Variants in COL4A5 observed in about 807,000 individuals in gnomAD.
COL4A5 encodes the protein collagen alpha-5(IV) chain.
In COL4A5, 26 loss-of-function variants were observed where a neutral mutation model predicts 130.2. The ratio of observed to expected loss-of-function variants is 0.20; its 90% CI spans 0.15 to 0.28. The LOEUF is 0.28. COL4A5 is among the 10% of genes least tolerant of loss of function. COL4A5 has a pLI of 1.00. For missense variants in COL4A5, 1,131 were observed against 1,344.3 expected, an observed-to-expected ratio of 0.84 and a Z score of 2.48; for synonymous variants, 496 against 439.6, an observed-to-expected ratio of 1.13 and a Z score of -1.60.
intron 24 of COL4A5, among the ~76,000 whole-genome samples, chrX:108,597,875 C>T (rs1015668868): frequency 1.8e-5 from 2 of 111,351 alleles, no homozygotes; most frequent in Non-Finnish European, 3.8e-5. Context: ...TCTTAACCCC[C>T]ACATATCTTT....
chrX:108,464,989 CACA>C (rs752694298), intron 1 of COL4A5, among the ~76,000 whole-genome samples: 2 of 112,030 alleles, frequency 1.8e-5, no homozygotes, highest in East Asian at 2.8e-4. Flanking sequence ...TGTGCACACC[CACA>C]ACATTTTCAA....
At chrX:108,687,359 A>T in intron 48 of COL4A5, 123 bp from the exon 49 acceptor site, 1 of 617,804 alleles carries the variant, frequency 1.6e-6, no homozygotes. Context: ...CAATGCCTTT[A>T]TAGACACTCT....
At chrX:108,568,282 T>TAA (rs2066004642) in intron 4 of COL4A5, among the ~76,000 whole-genome samples, 2 of 111,293 alleles carry the variant, frequency 1.8e-5, no homozygotes, top group African/African-American at 6.5e-5. Flanking sequence ...GGAAATATAT[T>TAA]TGCCACTCCC....
chrX:108,501,750 G>A (rs2065081075), intron 1 of COL4A5, among the ~76,000 whole-genome samples: 1 of 112,008 alleles, frequency 8.9e-6, no homozygotes, highest in Non-Finnish European at 1.9e-5. Flanking sequence ...ATAATTTGTG[G>A]GGAACATTTC....
rs999770270 is a variant in COL4A5, at chrX:108,571,596, G to A, written c.438+130G>A. The A allele has an allele frequency of 5.7e-5, 37 of 644,287 alleles. 1 individual carries two copies. Among genetic ancestry groups the A allele is most frequent in the Admixed American group, 4.1e-4 (16 of 38,632 alleles). The allele number at this position is 644,287 out of a possible 1,213,427, so 53.1% of individuals were successfully genotyped here. A position where few individuals can be genotyped will look rare whatever the true frequency, so the allele number is the denominator to read the frequency against. On this transcript the variant is annotated intron_variant, in intron 7 of 52. Transcript: ENST00000328300. ...TTAAAGTAATAAACTAGAGGAAAAT[G>A]TTTCAAAAAGAAGTTGGTAATATAG...
chrX:108,490,649 A>T (rs1278236774), intron 1 of COL4A5, among the ~76,000 whole-genome samples: 1 of 111,704 alleles, frequency 9.0e-6, no homozygotes, highest in Non-Finnish European at 1.9e-5. Context: ...TAAATATTTA[A>T]AAATTTATCT....
At chrX:108,571,778 A>C (rs749713471) in intron 7 of COL4A5, 33 bp from the exon 8 acceptor site, 2 of 1,085,443 alleles carry the variant, frequency 1.8e-6, no homozygotes, top group Admixed American at 4.4e-5. Context: ...TCTCTCATAC[A>C]TATAAAATAA....
chrX:108,631,827 G>A (rs920740081), intron 36 of COL4A5, among the ~76,000 whole-genome samples: 1 of 111,493 alleles, frequency 9.0e-6, no homozygotes, highest in Non-Finnish European at 1.9e-5. Flanking sequence ...CACATTTAAA[G>A]CAGTGTGTAG....
intron 1 of COL4A5, among the ~76,000 whole-genome samples, chrX:108,523,862 G>T (rs1212295489): frequency 9.0e-6 from 1 of 111,230 alleles, no homozygotes; most frequent in Admixed American, 9.5e-5. Flanking sequence ...AGTTGTAAAT[G>T]GATTTTTTCA....
At chrX:108,683,393 T>C (rs753159674) in intron 47 of COL4A5, among the ~76,000 whole-genome samples, 23 of 111,797 alleles carry the variant, frequency 2.1e-4, no homozygotes, top group Admixed American at 3.8e-4. Context: ...TTTAATTCCA[T>C]ATGAAATTTA....
intron 36 of COL4A5, among the ~76,000 whole-genome samples, chrX:108,634,184 A>G (rs1240059261): frequency 9.4e-6 from 1 of 106,219 alleles, no homozygotes; most frequent in African/African-American, 3.5e-5. Flanking sequence ...ATCAAAAGAG[A>G]AAATTAGCCA....
intron 36 of COL4A5, among the ~76,000 whole-genome samples, chrX:108,633,474 T>G (rs1458763399): frequency 9.0e-6 from 1 of 111,429 alleles, no homozygotes; most frequent in Non-Finnish European, 1.9e-5. Context: ...CAAACTCAAT[T>G]CTTTATTCAC....
At chrX:108,494,840 A>G (rs1229368682) in intron 1 of COL4A5, among the ~76,000 whole-genome samples, 1 of 111,440 alleles carries the variant, frequency 9.0e-6, no homozygotes, top group Non-Finnish European at 1.9e-5. Context: ...GTCTTTGGGG[A>G]TGAATACTTA....
At chrX:108,570,149 C>A (rs779260918) in intron 6 of COL4A5, among the ~76,000 whole-genome samples, 8 of 110,994 alleles carry the variant, frequency 7.2e-5, no homozygotes, top group Non-Finnish European at 1.5e-4. Context: ...GTCAATGTAA[C>A]CCTTGTCAAT....
chrX:108,497,718 G>A (rs944832582), intron 1 of COL4A5, among the ~76,000 whole-genome samples: 1 of 111,600 alleles, frequency 9.0e-6, no homozygotes. Flanking sequence ...TCTCTCTGGA[G>A]GTTTTGGGCT....
rs996865177 is a variant in COL4A5 at position 108,523,637 on chromosome X, C to T, written c.82-16109C>T. On this transcript the variant is annotated intron_variant, in intron 1 of 52. Transcript: ENST00000328300. ...AGCTTTTCCATTTCTGCAAAGAGGG[C>T]GGTTGGAATTTTTATAAGGATTGCC... Among the ~76,000 whole-genome samples the T allele has an allele frequency of 3.3e-4, 37 of 111,389 alleles. 1 individual carries two copies. The highest frequency in any genetic ancestry group is 1.1e-3 in the South Asian group (3 of 2,699).
chrX:108,620,480 G>A (rs755727564), intron 31 of COL4A5, 54 bp downstream of exon 31: 295 of 967,145 alleles, frequency 3.1e-4, no homozygotes, highest in Non-Finnish European at 3.8e-4. Context: ...AAACTAATAC[G>A]ACTCTGGTAG....
chrX:108,536,892 C>G (rs1025520763), intron 1 of COL4A5, among the ~76,000 whole-genome samples: 38 of 111,484 alleles, frequency 3.4e-4, no homozygotes, highest in African/African-American at 1.2e-3. Context: ...AATGTTTCAA[C>G]TTCTGAAGTA....
chrX:108,472,186 A>G (rs2064778857), intron 1 of COL4A5, among the ~76,000 whole-genome samples: 1 of 111,488 alleles, frequency 9.0e-6, no homozygotes, highest in Non-Finnish European at 1.9e-5. Flanking sequence ...GTTTAATTCC[A>G]TTGTGATTGG....
Sources: gnomAD v4.1 joint callset for allele counts (sites outside exome capture counted in the v4.1 genomes callset) on GRCh38, gnomAD v4.1.1 for gene constraint, MANE v1.5 for transcripts, NCBI Gene and HGNC (gene_info 2026-07-23, HGNC 2026-07-21) for gene names.